The following MSH4 variants were observed in gnomAD, a reference collection of about 807,000 sequenced individuals.
MSH4 encodes the protein mutS homolog 4.
In MSH4, 106 loss-of-function variants were observed where a neutral mutation model predicts 113.7. The observed-to-expected ratio is 0.93, with a 90% CI of 0.80 to 1.10. MSH4 has a LOEUF of 1.10. MSH4 is among the 50% of genes least tolerant of loss of function. MSH4 has a pLI of 0.00. For missense variants in MSH4, 1,061 were observed against 1,093.7 expected (o/e 0.97, Z 0.42); for synonymous variants, 368 against 380.2 (o/e 0.97, Z 0.37).
intron 7 of MSH4, among the ~76,000 whole-genome samples, chr1:75,825,217 T>C (rs1368442960): frequency 6.6e-6 from 1 of 152,120 alleles, no homozygotes; most frequent in African/African-American, 2.4e-5. Context: ...TTTATTTTCT[T>C]CGTAGCGGTT....
chr1:75,871,725 C>A (rs1166386329), intron 9 of MSH4, among the ~76,000 whole-genome samples: 1 of 152,156 alleles, frequency 6.6e-6, no homozygotes, highest in East Asian at 1.9e-4. Context: ...TGTAACACTA[C>A]TTCTAGAGAT....
At chr1:75,837,581 T>A (rs1650859940) in intron 7 of MSH4, among the ~76,000 whole-genome samples, 1 of 151,956 alleles carries the variant, frequency 6.6e-6, no homozygotes. Context: ...GAGATGGGAT[T>A]TTCTCCATGT....
intron 8 of MSH4, among the ~76,000 whole-genome samples, chr1:75,866,107 T>G (rs971275667): frequency 3.9e-5 from 6 of 152,224 alleles, no homozygotes; most frequent in Non-Finnish European, 7.3e-5. Flanking sequence ...GAAGTTGACA[T>G]TCATTCATTA....
At chr1:75,843,865 G>A (rs923074234) in intron 7 of MSH4, among the ~76,000 whole-genome samples, 1 of 151,932 alleles carries the variant, frequency 6.6e-6, no homozygotes, top group African/African-American at 2.4e-5. Context: ...AGGCTGGAAT[G>A]CAATGGAGTG....
chr1:75,845,554 C>G (rs1651058476), intron 7 of MSH4, among the ~76,000 whole-genome samples: 1 of 152,136 alleles, frequency 6.6e-6, no homozygotes, highest in African/African-American at 2.4e-5. Flanking sequence ...ACTCCATATC[C>G]CACATCAGGG....
At chr1:75,893,617 C>A (rs1330487356) in intron 17 of MSH4, among the ~76,000 whole-genome samples, 4 of 152,180 alleles carry the variant, frequency 2.6e-5, no homozygotes, top group African/African-American at 4.8e-5. Flanking sequence ...CACCACATTT[C>A]TTTGCCTCTA....
At chr1:75,867,025 T>C (rs1651577197) in intron 8 of MSH4, among the ~76,000 whole-genome samples, 2 of 152,198 alleles carry the variant, frequency 1.3e-5, no homozygotes, top group African/African-American at 2.4e-5. Context: ...GATATTGCTT[T>C]ATTTTGGCAA....
At position 75,878,316 on chromosome 1, in the gene MSH4, C is replaced by G. The variant is rs1557520135; in HGVS notation, c.1538C>G (p.Ala513Gly). Reference sequence around the variant, plus strand: ...TACACAGAGATTGTAGATGACATAGCAGGTAATTTCTTTATTTGATAATGT... The same window carrying G: ...TACACAGAGATTGTAGATGACATAGGAGGTAATTTCTTTATTTGATAATGT... ...RTYTEIVDDIAGMISQLGEKY... is the reference protein window; with the variant it reads ...RTYTEIVDDIGGMISQLGEKY... The change falls in exon 11 of 20, where the codon GCA becomes GGA. Residue 513 changes from alanine (A) to glycine (G), a missense_variant and splice_region_variant. Ala to Gly is a moderately conservative substitution (Grantham distance 60, BLOSUM62 0). Coordinates refer to ENST00000263187, the MANE Select transcript of MSH4 (RefSeq NM_002440.4). 6.3e-7 allele frequency: 1 copy of G among 1,579,178 alleles called. No homozygotes were observed. Among genetic ancestry groups the G allele is most frequent in the Non-Finnish European group, 8.6e-7 (1 of 1,169,284 alleles).
At chr1:75,853,134 G>A (rs766755206) in intron 8 of MSH4, among the ~76,000 whole-genome samples, 4 of 151,798 alleles carry the variant, frequency 2.6e-5, no homozygotes, top group Non-Finnish European at 4.4e-5. Context: ...GTGTAATCTC[G>A]GCTCACTGCA....
intron 15 of MSH4, among the ~76,000 whole-genome samples, chr1:75,886,727 TTATA>T (rs1652129244): frequency 7.2e-6 from 1 of 138,004 alleles, no homozygotes; most frequent in South Asian, 2.2e-4. Flanking sequence ...AATGTATACA[TTATA>T]TATAAATATA....
rs867034258 is a variant in MSH4, at chr1:75,902,699, A to G, written c.2619+2993A>G. ...TATATATATATATATATATATATAT[A>G]TATATATATATATATATATATATAT... is the stretch of plus-strand genomic sequence containing the variant. On this transcript the variant is annotated intron_variant, in intron 19 of 19. Transcript: ENST00000263187. 5.8e-4 allele frequency among the ~76,000 whole-genome samples: 13 copies of G among 22,390 alleles called. 1 individual carries two copies. The highest frequency in any genetic ancestry group is 2.8e-3 in the African/African-American group (11 of 3,964). 14.7% of individuals were successfully genotyped at this position (22,390 alleles called of 152,430 possible). A position where few individuals can be genotyped will look rare whatever the true frequency, so the allele number is the denominator to read the frequency against.
In MSH4 at chr1:75,822,570, G is replaced by T. The variant is rs746221957; in HGVS notation, c.1151G>T (p.Gly384Val). ...CTTCAAGATGAGGAACTATTTTTTG[G>T]ACTTCAATCAGGTAAATCAATATTA... ...ELLQDEELFF[G>V]LQSVISRFLD... The change falls in exon 7 of 20, where the codon GGA (glycine) becomes GTA (valine). Residue 384 changes from glycine (G) to valine (V), a missense_variant. Coordinates refer to ENST00000263187, the MANE Select transcript of MSH4 (RefSeq NM_002440.4). The T allele has an allele frequency of 1.7e-5, 26 of 1,501,076 alleles. No individual in the cohort carries two copies. In the East Asian group the frequency reaches 6.5e-4, roughly 37 times the overall value. 93.0% of individuals were successfully genotyped at this position (1,501,076 alleles called of 1,614,324 possible). A position where few individuals can be genotyped will look rare whatever the true frequency, so the allele number is the denominator to read the frequency against.
rs143095529 is a variant in MSH4 at position 75,901,321 on chromosome 1, C to T, written c.2619+1615C>T. The stretch of plus-strand genomic sequence containing the variant: ...GTATTCATCTCCTTCCTCCTCCAAA[C>T]CCTTCCTAACCTCTAGTAACCATCA... On this transcript the variant is annotated intron_variant, in intron 19 of 19. Transcript: ENST00000263187. 1.7e-3 allele frequency among the ~76,000 whole-genome samples: 253 copies of T among 152,244 alleles called. 2 individuals carry two copies. The highest frequency in any genetic ancestry group is 5.9e-3 in the African/African-American group (247 of 41,558).
chr1:75,814,091 T>C (rs1650244932), intron 4 of MSH4, among the ~76,000 whole-genome samples: 1 of 152,086 alleles, frequency 6.6e-6, no homozygotes, highest in Non-Finnish European at 1.5e-5. Context: ...TAATATTACC[T>C]TTTCTTAACC....
intron 8 of MSH4, among the ~76,000 whole-genome samples, chr1:75,849,464 G>C (rs1009684974): frequency 6.6e-6 from 1 of 152,130 alleles, no homozygotes; most frequent in Non-Finnish European, 1.5e-5. Flanking sequence ...ACAATTTGAT[G>C]ACATTTGTAA....
chr1:75,840,557 T>C (rs1014049446), intron 7 of MSH4, among the ~76,000 whole-genome samples: 5 of 142,468 alleles, frequency 3.5e-5, no homozygotes, highest in African/African-American at 1.0e-4. Flanking sequence ...TTAGGAGATA[T>C]ACCTAATGCT....
chr1:75,831,577 C>T (rs1374944923), intron 7 of MSH4, among the ~76,000 whole-genome samples: 1 of 152,134 alleles, frequency 6.6e-6, no homozygotes, highest in Non-Finnish European at 1.5e-5. Context: ...CAAATTATAA[C>T]AAACTGTCTC....
At chr1:75,836,823 G>C (rs1035777167) in intron 7 of MSH4, among the ~76,000 whole-genome samples, 1 of 151,924 alleles carries the variant, frequency 6.6e-6, no homozygotes, top group Non-Finnish European at 1.5e-5. Flanking sequence ...AAATGCTATG[G>C]CTCTTCAAAG....
In MSH4 at chr1:75,898,495, A is replaced by G. The variant is rs535268805; in HGVS notation, c.2530+414A>G. ...AATTAAATCTAAAATCTTAAATCTT[A>G]AAAGAGAATGTATTACCAAACCATA... On this transcript the variant is annotated intron_variant, in intron 18 of 19. Coordinates refer to ENST00000263187, the MANE Select transcript of MSH4 (RefSeq NM_002440.4). 9.9e-4 allele frequency among the ~76,000 whole-genome samples: 149 copies of G among 151,228 alleles called. 1 individual carries two copies. The highest frequency in any genetic ancestry group is 3.5e-3 in the African/African-American group (145 of 41,234).
Sources: gnomAD v4.1 joint callset for allele counts (sites outside exome capture counted in the v4.1 genomes callset) on GRCh38, gnomAD v4.1.1 for gene constraint, MANE v1.5 for transcripts, NCBI Gene and HGNC (gene_info 2026-07-23, HGNC 2026-07-21) for gene names.